The following USH1C variants were observed in gnomAD, a reference collection of about 807,000 sequenced individuals.
USH1C encodes USH1 protein network component harmonin.
Under a neutral mutation model 119.3 loss-of-function variants are expected in USH1C, and 90 were observed. The observed-to-expected ratio is 0.75, with a 90% CI of 0.64 to 0.90. USH1C has a LOEUF of 0.90. Ranked by LOEUF, USH1C falls within the 40% of genes least tolerant of loss-of-function variation. The pLI is 0.00. For missense variants in USH1C, 1,165 were observed against 1,167.7 expected (o/e 1.00, Z 0.03); for synonymous variants, 465 against 443.3 (o/e 1.05, Z -0.62).
At position 17,495,647 on chromosome 11, in the gene USH1C, G is replaced by T. The variant is rs199827989; in HGVS notation, c.2577C>A (p.Ser859Arg). 3 of 1,614,228 alleles carry T rather than the reference G, an allele frequency of 1.9e-6. No homozygotes were observed. In the Admixed American group the frequency reaches 5.0e-5, roughly 27 times the overall value. The part of the protein sequence containing the change: ...LASLPSSVAE[S>R]PQPVRKLLED... ...CAAGGAGCTTTCGGACCGGTTGGGGGCTTTCAGCTACGGAGGAGGGAAGAG... is the reference window on the plus strand; with the variant it reads ...CAAGGAGCTTTCGGACCGGTTGGGGTCTTTCAGCTACGGAGGAGGGAAGAG... Residue 859 changes from serine to arginine, a missense_variant, in exon 26 of 27, where the codon AGC (serine) becomes AGA (arginine). By Grantham distance (110) the Ser-to-Arg change is moderately radical. Coordinates refer to ENST00000005226, the MANE Select transcript of USH1C (RefSeq NM_153676.4).
At position 17,520,853 on chromosome 11, in the gene USH1C, C is replaced by A. The variant is rs760095021; in HGVS notation, c.1210+17G>T. ...GACTAGTTCCCTTAGCCTCTCCCCTCGGCTCATGAAACTTACACTTTGGCT... is the reference window on the plus strand; with the variant it reads ...GACTAGTTCCCTTAGCCTCTCCCCTAGGCTCATGAAACTTACACTTTGGCT... On this transcript the variant is annotated intron_variant, in intron 14 of 26. Transcript: ENST00000005226. 1 of 1,614,028 alleles carries A rather than the reference C, an allele frequency of 6.2e-7. No individual in the cohort carries two copies. Among genetic ancestry groups the A allele is most frequent in the African/African-American group, 1.3e-5 (1 of 74,920 alleles).
At chr11:17,502,404 C>T (rs907633974) in intron 20 of USH1C, among the ~76,000 whole-genome samples, 1 of 152,204 alleles carries the variant, frequency 6.6e-6, no homozygotes, top group East Asian at 1.9e-4. Flanking sequence ...GGTGTCTCCA[C>T]CCAGTGCTCT....
intron 1 of USH1C, among the ~76,000 whole-genome samples, chr11:17,536,880 C>G (rs752124259): frequency 2.0e-5 from 3 of 152,196 alleles, no homozygotes; most frequent in Non-Finnish European, 4.4e-5. Context: ...GTGTAGAATG[C>G]TCTTTAAATA....
intron 18 of USH1C, among the ~76,000 whole-genome samples, chr11:17,508,507 C>T (rs1196451740): frequency 1.3e-5 from 2 of 152,192 alleles, no homozygotes; most frequent in African/African-American, 2.4e-5. Context: ...ACATGAGATG[C>T]CTTTGCACTG....
rs576189967 is a variant in USH1C at position 17,509,799 on chromosome 11, G to T, written c.1570C>A (p.Pro524Thr). Residue 524 changes from proline (P) to threonine (T), a missense_variant, in exon 18 of 27, where the codon CCC becomes ACC. By Grantham distance (38) the Pro-to-Thr change is conservative. Coordinates refer to ENST00000005226, the MANE Select transcript of USH1C (RefSeq NM_153676.4). ...GPPPPPPSVS[P>T]LAPPLRRFAG... ...AAGCGTCTCAAGGGTGGGGCCAGGG[G>T]AGACACAGAAGGCGGGGGAGGCGGG... The T allele has an allele frequency of 1.3e-6, 2 of 1,599,812 alleles. No homozygotes were observed. Among genetic ancestry groups the T allele is most frequent in the Admixed American group, 3.3e-5 (2 of 59,922 alleles).
intron 2 of USH1C, among the ~76,000 whole-genome samples, chr11:17,533,007 C>T (rs1163040187): frequency 6.6e-6 from 1 of 152,234 alleles, no homozygotes; most frequent in Non-Finnish European, 1.5e-5. Flanking sequence ...CTCCATCAGA[C>T]TGTGAGCAAC....
chr11:17,512,961 A>C (rs1849959460), intron 15 of USH1C, among the ~76,000 whole-genome samples: 1 of 152,178 alleles, frequency 6.6e-6, no homozygotes, highest in Non-Finnish European at 1.5e-5. Flanking sequence ...CAGGGAAGCC[A>C]GGGGCTAAGG....
In USH1C at chr11:17,531,249, G is replaced by A; in HGVS notation, c.292C>T (p.Leu98Phe). 6.2e-7 allele frequency: 1 copy of A among 1,614,160 alleles called. No homozygotes were observed. Among genetic ancestry groups the A allele is most frequent in the East Asian group, 2.2e-5 (1 of 44,878 alleles). The stretch of plus-strand genomic sequence containing the variant: ...AGGCCACCACGCACACTCAGGCCGA[G>A]GCCTTCGGGGTGCAGACGGTCCAGA... ...VRLDRLHPEGLGLSVRGGLEF... is the reference protein window; with the variant it reads ...VRLDRLHPEGFGLSVRGGLEF... The change falls in exon 4 of 27, where the codon CTC (leucine) becomes TTC (phenylalanine). Residue 98 changes from leucine to phenylalanine, a missense_variant. Transcript: ENST00000005226. The surrounding 1 kb of genome is among the most constrained non-coding windows in gnomAD (Gnocchi z 4.2).
At position 17,510,384 on chromosome 11, in the gene USH1C, T is replaced by C. The variant is rs751849362; in HGVS notation, c.1530+21A>G. On this transcript the variant is annotated intron_variant, in intron 17 of 26. Transcript: ENST00000005226. ...TCTGAAGACAGCAGGAGGGTCTATGTGGAAAGAAGGGCTCTGTTACCTCTG... is the reference window on the plus strand; with the variant it reads ...TCTGAAGACAGCAGGAGGGTCTATGCGGAAAGAAGGGCTCTGTTACCTCTG... 15 of 1,596,794 alleles carry C rather than the reference T, an allele frequency of 9.4e-6. No individual in the cohort carries two copies. In the South Asian group the frequency reaches 1.4e-4, roughly 15 times the overall value.
At chr11:17,499,373 C>A (rs1464342697) in intron 23 of USH1C, among the ~76,000 whole-genome samples, 4 of 152,196 alleles carry the variant, frequency 2.6e-5, no homozygotes, top group African/African-American at 9.7e-5. Context: ...AGTGCAGGAC[C>A]AAACCACAGA....
intron 24 of USH1C, 107 bp from the exon 25 acceptor site, chr11:17,496,920 T>C (rs938641151): frequency 2.5e-5 from 34 of 1,360,338 alleles, no homozygotes; most frequent in African/African-American, 5.8e-5. Context: ...TCAGCCAGGC[T>C]GCACCTTCTT....
intron 23 of USH1C, among the ~76,000 whole-genome samples, chr11:17,499,452 T>C (rs1849358324): frequency 6.6e-6 from 1 of 152,208 alleles, no homozygotes; most frequent in South Asian, 2.1e-4. Flanking sequence ...TACAAATCCA[T>C]GACAGAGTCT....
At position 17,531,832 on chromosome 11, in the gene USH1C, T is replaced by C. The variant is rs1330762533; in HGVS notation, c.105-290A>G. 6.6e-6 allele frequency among the ~76,000 whole-genome samples: 1 copy of C among 152,214 alleles called. No homozygotes were observed. Among genetic ancestry groups the C allele is most frequent in the Non-Finnish European group, 1.5e-5 (1 of 68,032 alleles). ...TGCCTATCTCGGCTGTTGGGATCTT[T>C]CCAGAGGGGAAAGCTCTGTGTGAGA... On this transcript the variant is annotated intron_variant, in intron 2 of 26. Coordinates refer to ENST00000005226, the MANE Select transcript of USH1C (RefSeq NM_153676.4). This position sits in a 1 kb window ranked among gnomAD's most constrained non-coding sequence, Gnocchi z 4.2.
Position 17,494,354 on chromosome 11 carries a change from CT to C in USH1C, c.2677del (p.Arg893GlyfsTer11). On this transcript the variant is annotated frameshift_variant, in exon 27 of 27. Coordinates refer to ENST00000005226, the MANE Select transcript of USH1C (RefSeq NM_153676.4). LOFTEE classifies it high-confidence loss of function. ...EPTDLLLKSK[R>X]GNQIHR ...TTCCTAACGGTGAATTTGGTTTCCC[CT>C]TTTGGACTTCAGAAGAAGGTCCTGC... The C allele has an allele frequency of 1.2e-6, 2 of 1,605,864 alleles. No homozygotes were observed. Among genetic ancestry groups the C allele is most frequent in the Admixed American group, 1.7e-5 (1 of 59,124 alleles).
At chr11:17,539,328 G>C (rs976040205) in intron 1 of USH1C, among the ~76,000 whole-genome samples, 4 of 152,160 alleles carry the variant, frequency 2.6e-5, no homozygotes, top group Non-Finnish European at 5.9e-5. Flanking sequence ...GGCCTGGCTT[G>C]TGAGTGTGGT....
In USH1C at chr11:17,523,426, T is replaced by C. The variant is rs1335731742; in HGVS notation, c.812A>G (p.His271Arg). The C allele has an allele frequency of 6.2e-7, 1 of 1,614,088 alleles. No individual in the cohort carries two copies. Among genetic ancestry groups the C allele is most frequent in the African/African-American group, 1.3e-5 (1 of 74,938 alleles). Residue 271 changes from histidine to arginine, a missense_variant, in exon 10 of 27, where the codon CAC (histidine) becomes CGC (arginine). By Grantham distance (29) the His-to-Arg change is conservative. Transcript: ENST00000005226. The part of the protein sequence containing the change: ...VNGVDFSNLD[H>R]KEAVNVLKSS... ...AAGACCCCCACATCTCACCTCCTTG[T>C]GATCCAGGTTAGAGAAGTCGACGCC...
At chr11:17,497,916 G>T (rs915628186) in intron 24 of USH1C, among the ~76,000 whole-genome samples, 1 of 152,194 alleles carries the variant, frequency 6.6e-6, no homozygotes, top group Non-Finnish European at 1.5e-5. Context: ...CCATGCCCTG[G>T]CTTCAAGAGT....
chr11:17,516,032 C>T (rs895433528), intron 15 of USH1C, among the ~76,000 whole-genome samples: 2 of 152,256 alleles, frequency 1.3e-5, no homozygotes, highest in Admixed American at 6.5e-5. Context: ...ATAGGTCTCA[C>T]ACCATGGATC....
rs764975771 is a variant in USH1C, at chr11:17,520,979, T to C, written c.1101A>G (p.Glu367=). 10 of 1,613,992 alleles carry C rather than the reference T, an allele frequency of 6.2e-6. No homozygotes were observed. Among genetic ancestry groups the C allele is most frequent in the Middle Eastern group, 3.3e-4 (2 of 6,082 alleles). The change falls in exon 14 of 27, where the codon GAA becomes GAG. Residue 367 remains glutamate, a synonymous_variant. Coordinates refer to ENST00000005226, the MANE Select transcript of USH1C (RefSeq NM_153676.4). ...CTTCCCATTGCTTCTTAAACTTCTC[T>C]TCCTCCTCTACAATCCTAAAATGAG... is the stretch of plus-strand genomic sequence containing the variant. ...RKEMEQIVEE[E]EKFKKQWEED...
Sources: gnomAD v4.1 joint callset for allele counts (sites outside exome capture counted in the v4.1 genomes callset) on GRCh38, gnomAD v4.1.1 for gene constraint, Gnocchi (gnomAD v3.1) non-coding constraint, MANE v1.5 for transcripts, NCBI Gene and HGNC (gene_info 2026-07-23, HGNC 2026-07-21) for gene names.